CLOCK: variants seen among roughly 807,000 people sequenced by gnomAD.
CLOCK encodes clock circadian regulator.
Under a neutral mutation model 118.4 loss-of-function variants are expected in CLOCK, and 43 were observed. The ratio of observed to expected loss-of-function variants is 0.36; its 90% CI spans 0.28 to 0.47. CLOCK has a LOEUF of 0.47. Among genes scored for constraint, CLOCK ranks in the 20% least tolerant of loss-of-function variants. The pLI, the probability that CLOCK is intolerant of heterozygous loss-of-function variation, is 1.00. For missense variants in CLOCK, 846 were observed against 999.9 expected, an observed-to-expected ratio of 0.85 and a Z score of 2.08; for synonymous variants, 326 against 339.2, an observed-to-expected ratio of 0.96 and a Z score of 0.43.
intron 22 of CLOCK, among the ~76,000 whole-genome samples, chr4:55,437,928 A>G (rs1723019556): frequency 2.0e-5 from 3 of 152,212 alleles, no homozygotes; most frequent in Non-Finnish European, 2.9e-5. Flanking sequence ...CCTGCTCTGT[A>G]CAGAGCAGAG....
chr4:55,475,868 C>T, intron 7 of CLOCK, 95 bp downstream of exon 7: 6 of 793,414 alleles, frequency 7.6e-6, no homozygotes, highest in South Asian at 5.8e-5. Flanking sequence ...TGGAACTCAA[C>T]TCGCAATATC....
At chr4:55,538,626 T>C (rs1046471777) in intron 1 of CLOCK, among the ~76,000 whole-genome samples, 2 of 152,082 alleles carry the variant, frequency 1.3e-5, no homozygotes, top group Non-Finnish European at 2.9e-5. Context: ...GCAGAATATA[T>C]GAAAAGGTGG....
At chr4:55,468,987 A>C (rs1725926631) in intron 8 of CLOCK, among the ~76,000 whole-genome samples, 1 of 152,182 alleles carries the variant, frequency 6.6e-6, no homozygotes, top group Non-Finnish European at 1.5e-5. Context: ...TGCTTGTGTA[A>C]ACAAACCTAC....
chr4:55,487,077 C>T (rs2109932054), intron 3 of CLOCK, among the ~76,000 whole-genome samples: 1 of 152,222 alleles, frequency 6.6e-6, no homozygotes, highest in South Asian at 2.1e-4. Flanking sequence ...ATTTTTCAAC[C>T]TTTCCAATGA....
At chr4:55,490,783 G>A (rs1727621017) in intron 2 of CLOCK, among the ~76,000 whole-genome samples, 1 of 152,032 alleles carries the variant, frequency 6.6e-6, no homozygotes, top group South Asian at 2.1e-4. Context: ...TCCACAGTTG[G>A]TTGAATCCAC....
chr4:55,434,152 C>G lies in CLOCK; in HGVS notation c.*1263G>C, dbSNP rs561809012. 6.6e-6 allele frequency: 1 copy of G among 152,580 alleles called. No individual in the cohort carries two copies. The highest frequency in any genetic ancestry group is 2.4e-5 in the African/African-American group (1 of 41,434). 9.5% of individuals were successfully genotyped at this position (152,580 alleles called of 1,614,324 possible). On this transcript the variant is annotated 3_prime_UTR_variant, in exon 23 of 23. Coordinates refer to ENST00000513440, the MANE Select transcript of CLOCK (RefSeq NM_004898.4). ...AGGTACTAAGGTTTCAAAACTGCTA[C>G]GGAAACCGGACAATGACTTCAAGAT...
At chr4:55,448,599 CGCGTGTGTGTGT>C (rs71194566) in intron 18 of CLOCK, among the ~76,000 whole-genome samples, 168 bp downstream of exon 18, 6,054 of 105,620 alleles carry the variant, frequency 0.057, 182 homozygotes, top group Middle Eastern at 0.083. Flanking sequence ...CGCGCACGCG[CGCGTGTGTGTGT>C]GTGTGTGTGT....
intron 1 of CLOCK, among the ~76,000 whole-genome samples, chr4:55,536,648 C>T (rs898913735): frequency 2.6e-5 from 4 of 152,090 alleles, no homozygotes; most frequent in Admixed American, 6.6e-5. Flanking sequence ...TTTGGAGAAC[C>T]GTAAGCCAAT....
At chr4:55,463,600 G>A in intron 9 of CLOCK, 85 bp downstream of exon 9, 1 of 1,394,296 alleles carries the variant, frequency 7.2e-7, no homozygotes, top group African/African-American at 1.4e-5. Flanking sequence ...TGTATTTAAA[G>A]AAGTCTGTAT....
intron 18 of CLOCK, 133 bp downstream of exon 18, chr4:55,448,646 T>G: frequency 1.9e-6 from 1 of 527,456 alleles, no homozygotes; most frequent in Non-Finnish European, 3.6e-6. Context: ...GTGTGTGTGC[T>G]CCTACCTCAG....
chr4:55,512,904 C>G (rs921956338), intron 1 of CLOCK, among the ~76,000 whole-genome samples: 1 of 152,018 alleles, frequency 6.6e-6, no homozygotes, highest in Non-Finnish European at 1.5e-5. Context: ...CAGGACAGAC[C>G]GTATATATGA....
intron 1 of CLOCK, among the ~76,000 whole-genome samples, chr4:55,527,413 A>G (rs1451960269): frequency 6.6e-6 from 1 of 152,152 alleles, no homozygotes; most frequent in African/African-American, 2.4e-5. Flanking sequence ...TTGCTTTCTT[A>G]GGATATTAGA....
chr4:55,461,797 C>T (rs1725361527), intron 9 of CLOCK, among the ~76,000 whole-genome samples: 1 of 152,148 alleles, frequency 6.6e-6, no homozygotes, highest in African/African-American at 2.4e-5. Context: ...CACTATTTAC[C>T]TGATTTTGTT....
chr4:55,456,057 T>C (rs1724900443), intron 12 of CLOCK, 54 bp from the exon 13 acceptor site: 1 of 1,279,648 alleles, frequency 7.8e-7, no homozygotes, highest in African/African-American at 1.6e-5. Context: ...ATAAGAAATA[T>C]TTCAACTAGA....
chr4:55,476,649 T>C (rs1423529668), intron 6 of CLOCK, among the ~76,000 whole-genome samples: 1 of 152,188 alleles, frequency 6.6e-6, no homozygotes, highest in African/African-American at 2.4e-5. Flanking sequence ...GTCCTCCTTG[T>C]ACAACAGTAG....
chr4:55,435,135 T>C lies in CLOCK; in HGVS notation c.*280A>G. The C allele has an allele frequency of 2.3e-6, 1 of 430,578 alleles. No homozygotes were observed. The highest frequency in any genetic ancestry group is 3.5e-5 in the Admixed American group (1 of 28,178). 26.7% of individuals were successfully genotyped at this position (430,578 alleles called of 1,614,324 possible). ...GTCATTTCATAGCTGAGCTTCTTAATATTTGGCAATATATTCTTTTTCCAT... is the reference window on the plus strand; with the variant it reads ...GTCATTTCATAGCTGAGCTTCTTAACATTTGGCAATATATTCTTTTTCCAT... On this transcript the variant is annotated 3_prime_UTR_variant, in exon 23 of 23. Transcript: ENST00000513440.
At chr4:55,469,622 T>C (rs1368078677) in intron 8 of CLOCK, among the ~76,000 whole-genome samples, 1 of 152,202 alleles carries the variant, frequency 6.6e-6, no homozygotes, top group Non-Finnish European at 1.5e-5. Flanking sequence ...TTTACAAATG[T>C]TTAAAAAGTT....
At chr4:55,545,251 G>A (rs1379205354) in intron 1 of CLOCK, among the ~76,000 whole-genome samples, 1 of 152,022 alleles carries the variant, frequency 6.6e-6, no homozygotes, top group African/African-American at 2.4e-5. Flanking sequence ...CTTATCACAG[G>A]AATTAATTTC....
rs1028870367 is a variant in CLOCK, at chr4:55,454,656, A to G, written c.983-832T>C. Among the ~76,000 whole-genome samples the G allele has an allele frequency of 9.9e-5, 15 of 151,376 alleles. No homozygotes were observed. The South Asian group carries it at 3.1e-3, about 32-fold the overall frequency. On this transcript the variant is annotated intron_variant, in intron 13 of 22. Coordinates refer to ENST00000513440, the MANE Select transcript of CLOCK (RefSeq NM_004898.4). Reference sequence around the variant, plus strand: ...AAAAAAAAGGGTTTGTAGTTAAATTAATTTGGGAAACTTTTTGTTAAATAG... The same window carrying G: ...AAAAAAAAGGGTTTGTAGTTAAATTGATTTGGGAAACTTTTTGTTAAATAG...
Sources: allele counts gnomAD v4.1 joint callset (sites outside exome capture counted in the v4.1 genomes callset), GRCh38; gene constraint gnomAD v4.1.1; transcripts MANE v1.5; gene names NCBI Gene and HGNC (gene_info 2026-07-23, HGNC 2026-07-21).